The following UXS1 variants were observed in gnomAD, a reference collection of about 807,000 sequenced individuals.
UXS1 encodes the protein UDP-glucuronic acid decarboxylase 1.
In UXS1, 33 loss-of-function variants were observed where a neutral mutation model predicts 62.6. The ratio of observed to expected loss-of-function variants is 0.53; its 90% confidence interval spans 0.40 to 0.70. UXS1 has a LOEUF of 0.70. UXS1 is among the 30% of genes least tolerant of loss of function. UXS1 has a pLI of 0.00. For synonymous variants in UXS1, 213 were observed against 206.8 expected (o/e 1.03, Z -0.26); for missense variants, 434 against 556.3 (o/e 0.78, Z 2.21).
intron 9 of UXS1, among the ~76,000 whole-genome samples, chr2:106,114,305 T>G (rs931325087): frequency 6.6e-5 from 10 of 152,188 alleles, no homozygotes; most frequent in African/African-American, 2.4e-4. Flanking sequence ...CTGTAATACT[T>G]CACGTGAGCC....
intron 1 of UXS1, among the ~76,000 whole-genome samples, chr2:106,180,412 A>G (rs1047903677): frequency 6.6e-6 from 1 of 152,214 alleles, no homozygotes; most frequent in South Asian, 2.1e-4. Flanking sequence ...TTAACCACCA[A>G]GTACCTTCCC....
intron 9 of UXS1, among the ~76,000 whole-genome samples, chr2:106,114,772 T>C (rs900060801): frequency 6.6e-6 from 1 of 152,166 alleles, no homozygotes; most frequent in Admixed American, 6.5e-5. Flanking sequence ...AGCCCTTCTA[T>C]ACAGGTGCAA....
chr2:106,172,190 C>T (rs531397963), intron 1 of UXS1, among the ~76,000 whole-genome samples: 1 of 152,334 alleles, frequency 6.6e-6, no homozygotes, highest in East Asian at 1.9e-4. Flanking sequence ...CGTGGAGAAC[C>T]CTTCCCAAAG....
intron 9 of UXS1, among the ~76,000 whole-genome samples, chr2:106,115,105 A>C (rs971731208): frequency 1.3e-5 from 2 of 152,196 alleles, no homozygotes; most frequent in Non-Finnish European, 2.9e-5. Flanking sequence ...GCAGGGGGAC[A>C]GTCGATGGAT....
At chr2:106,138,507 CGG>C in intron 6 of UXS1, 1 of 985,422 alleles carries the variant, frequency 1.0e-6, no homozygotes, top group Non-Finnish European at 1.2e-6. Flanking sequence ...GATTTCCAGG[CGG>C]GCCTGGAAAC....
chr2:106,129,205 T>C (rs1230167299), intron 7 of UXS1, among the ~76,000 whole-genome samples: 1 of 152,216 alleles, frequency 6.6e-6, no homozygotes, highest in African/African-American at 2.4e-5. Flanking sequence ...CCCATACAGA[T>C]GTCTCCATCC....
intron 1 of UXS1, among the ~76,000 whole-genome samples, chr2:106,170,118 G>C (rs1036996967): frequency 6.6e-6 from 1 of 151,990 alleles, no homozygotes; most frequent in Non-Finnish European, 1.5e-5. Context: ...TCCCCACTCA[G>C]ACCTCCACGC....
intron 10 of UXS1, among the ~76,000 whole-genome samples, chr2:106,105,375 T>C (rs1260696462): frequency 7.2e-6 from 1 of 138,858 alleles, no homozygotes; most frequent in Non-Finnish European, 1.6e-5. Flanking sequence ...CAGGAGACTC[T>C]GAAAGTGATG....
At chr2:106,103,669 G>C (rs1677801410) in intron 11 of UXS1, among the ~76,000 whole-genome samples, 1 of 152,182 alleles carries the variant, frequency 6.6e-6, no homozygotes, top group Non-Finnish European at 1.5e-5. Flanking sequence ...GGGCCACAAA[G>C]TTGGTTATAG....
At chr2:106,180,747 T>G (rs1310495707) in intron 1 of UXS1, among the ~76,000 whole-genome samples, 1 of 152,046 alleles carries the variant, frequency 6.6e-6, no homozygotes, top group Non-Finnish European at 1.5e-5. Flanking sequence ...AATAGAAAAA[T>G]TCCAGACCAC....
chr2:106,188,837 C>G (rs1023851362), intron 1 of UXS1, among the ~76,000 whole-genome samples: 1 of 152,146 alleles, frequency 6.6e-6, no homozygotes, highest in African/African-American at 2.4e-5. Flanking sequence ...GGAAAGAGAT[C>G]CTTCAGTAAA....
intron 1 of UXS1, among the ~76,000 whole-genome samples, chr2:106,190,275 C>T (rs955981799): frequency 1.3e-5 from 2 of 151,988 alleles, no homozygotes; most frequent in African/African-American, 4.8e-5. Flanking sequence ...TGATGAGCTC[C>T]GTGAGATTAT....
At chr2:106,130,919 G>C (rs1387199284) in intron 6 of UXS1, among the ~76,000 whole-genome samples, 2 of 152,132 alleles carry the variant, frequency 1.3e-5, no homozygotes, top group African/African-American at 4.8e-5. Flanking sequence ...TGGCCGAATA[G>C]GAACAGCTCC....
At position 106,093,665 on chromosome 2, in the gene UXS1, G is replaced by T; in HGVS notation, c.*361C>A. 5.6e-6 allele frequency: 1 copy of T among 178,572 alleles called. No individual in the cohort carries two copies. Among genetic ancestry groups the T allele is most frequent in the Non-Finnish European group, 1.2e-5 (1 of 85,986 alleles). 11.1% of individuals were successfully genotyped at this position (178,572 alleles called of 1,614,324 possible). ...AGTACCCACTTTCATAAATAAAATC[G>T]GCATTTTTTGTCCCGCTTAATGTTC... On this transcript the variant is annotated 3_prime_UTR_variant, in exon 15 of 15. Coordinates refer to ENST00000283148, the MANE Select transcript of UXS1 (RefSeq NM_001253875.2).
At chr2:106,170,540 C>T (rs921780676) in intron 1 of UXS1, among the ~76,000 whole-genome samples, 3 of 152,124 alleles carry the variant, frequency 2.0e-5, no homozygotes, top group Non-Finnish European at 4.4e-5. Context: ...TATCTTCAGA[C>T]GCGCTATAAC....
At chr2:106,164,372 G>GGATGCTCTTTACATTTGTA (rs1683082149) in intron 3 of UXS1, among the ~76,000 whole-genome samples, 1 of 152,152 alleles carries the variant, frequency 6.6e-6, no homozygotes, top group Non-Finnish European at 1.5e-5. Context: ...CTGTGCACGT[G>GGATGCTCTTTACATTTGTA]GCCTAGCATC....
At chr2:106,124,529 A>T (rs929136826) in intron 8 of UXS1, among the ~76,000 whole-genome samples, 2 of 152,252 alleles carry the variant, frequency 1.3e-5, no homozygotes, top group Non-Finnish European at 2.9e-5. Context: ...TACTTTGGTT[A>T]TTCAAGGTCA....
chr2:106,094,212 C>CGCAGGAGGGAAGTGCCACCTT lies in UXS1; in HGVS notation c.1147-56_1147-55insAAGGTGGCACTTCCCTCCTGC. The CGCAGGAGGGAAGTGCCACCTT allele has an allele frequency of 4.2e-6, 5 of 1,186,126 alleles. No homozygotes were observed. In the South Asian group the frequency reaches 7.3e-5, roughly 17 times the overall value. The allele number at this position is 1,186,126 out of a possible 1,614,324, so 73.5% of individuals were successfully genotyped here. Reference sequence around the variant, plus strand: ...CAAGGTCACATTGACAGAAGGGCATCGCAGGAAGGAAGTGCCACCTTGCAG... The same window carrying CGCAGGAGGGAAGTGCCACCTT: ...CAAGGTCACATTGACAGAAGGGCATCGCAGGAGGGAAGTGCCACCTTGCAGGAAGGAAGTGCCACCTTGCAG... On this transcript the variant is annotated intron_variant, in intron 14 of 14. Transcript: ENST00000283148.
intron 10 of UXS1, among the ~76,000 whole-genome samples, chr2:106,106,505 T>C (rs1293252442): frequency 6.6e-6 from 1 of 152,276 alleles, no homozygotes; most frequent in East Asian, 1.9e-4. Flanking sequence ...TCTATCTATG[T>C]AGGTTCTGTT....
Sources: gnomAD v4.1 joint callset for allele counts (sites outside exome capture counted in the v4.1 genomes callset) on GRCh38, gnomAD v4.1.1 for gene constraint, MANE v1.5 for transcripts, NCBI Gene and HGNC (gene_info 2026-07-23, HGNC 2026-07-21) for gene names.